RUFY2: variants seen among roughly 807,000 people sequenced by gnomAD.
RUFY2 encodes RUN and FYVE domain-containing protein 2.
Under a neutral mutation model 94.4 loss-of-function variants are expected in RUFY2, and 49 were observed. That is an observed-to-expected ratio of 0.52 (90% CI 0.41 to 0.66). The LOEUF (loss-of-function observed/expected upper bound fraction) is 0.66, where lower values mean the gene tolerates loss of function less well. Among genes scored for constraint, RUFY2 ranks in the 30% least tolerant of loss-of-function variants. The probability of loss-of-function intolerance (pLI) is 0.00; values close to 1 mark genes in which losing one functional copy is unlikely to be tolerated. For synonymous variants in RUFY2, 255 were observed against 235.7 expected, an observed-to-expected ratio of 1.08 and a Z score of -0.75; for missense variants, 541 against 692.8, an observed-to-expected ratio of 0.78 and a Z score of 2.46.
intron 2 of RUFY2, among the ~76,000 whole-genome samples, chr10:68,404,354 T>A (rs2051106231): frequency 2.6e-5 from 4 of 152,170 alleles, no homozygotes; most frequent in South Asian, 2.1e-4. Flanking sequence ...TAATATGAGC[T>A]CATAACAGTA....
At chr10:68,403,533 C>T (rs966526207) in intron 2 of RUFY2, among the ~76,000 whole-genome samples, 1 of 151,964 alleles carries the variant, frequency 6.6e-6, no homozygotes, top group Non-Finnish European at 1.5e-5. Flanking sequence ...ATTACAGGTG[C>T]CCAATTTCCT....
Position 68,345,564 on chromosome 10 carries a change from A to C in RUFY2, c.*204T>G, listed in dbSNP as rs908994885. 8.0e-6 allele frequency: 4 copies of C among 499,018 alleles called. No homozygotes were observed. Among genetic ancestry groups the C allele is most frequent in the Non-Finnish European group, 1.4e-5 (4 of 286,752 alleles). The allele number at this position is 499,018 out of a possible 1,614,324, so 30.9% of individuals were successfully genotyped here. Reference sequence around the variant, plus strand: ...TTAATGAGTTACATGATTTTTAAGCATGCTCTGTTGAAAATACATTTTGAA... The same window carrying C: ...TTAATGAGTTACATGATTTTTAAGCCTGCTCTGTTGAAAATACATTTTGAA... On this transcript the variant is annotated 3_prime_UTR_variant, in exon 18 of 18. Transcript: ENST00000602465.
At chr10:68,362,229 G>A (rs554032225) in intron 15 of RUFY2, among the ~76,000 whole-genome samples, 1 of 152,266 alleles carries the variant, frequency 6.6e-6, no homozygotes, top group East Asian at 1.9e-4. Flanking sequence ...CCGGAGGCTT[G>A]AGGTGAGAGA....
intron 2 of RUFY2, among the ~76,000 whole-genome samples, chr10:68,404,284 G>A (rs1311445186): frequency 1.3e-5 from 2 of 152,032 alleles, no homozygotes; most frequent in East Asian, 3.9e-4. Flanking sequence ...ATATATCTAG[G>A]AGGTTTCTAT....
chr10:68,351,938 TC>T lies in RUFY2; in HGVS notation c.1599+3414del, dbSNP rs2046707498. On this transcript the variant is annotated intron_variant, in intron 16 of 17. Transcript: ENST00000602465. ...TGGGCATGGTGGTGGGTGCCTGTAA[TC>T]CCAGCTACTTGGGAGGCTGAGGCAG... 2.6e-5 allele frequency among the ~76,000 whole-genome samples: 4 copies of T among 151,268 alleles called. No homozygotes were observed. In the South Asian group the frequency reaches 8.3e-4, roughly 32 times the overall value.
At chr10:68,359,507 TAA>T (rs1255659890) in intron 15 of RUFY2, among the ~76,000 whole-genome samples, 31 of 144,226 alleles carry the variant, frequency 2.1e-4, no homozygotes, top group African/African-American at 6.3e-4. Flanking sequence ...ACTATATATA[TAA>T]ATATACATAG....
downstream of RUFY2, chr10:68,341,230 A>G (rs144723762): frequency 3.4e-3 from 5,480 of 1,602,824 alleles, 13 homozygotes; most frequent in Middle Eastern, 0.011. Flanking sequence ...CTGATGGCAG[A>G]GCCACAGGAG....
At chr10:68,357,070 G>C (rs1348131993) in intron 15 of RUFY2, among the ~76,000 whole-genome samples, 1 of 151,666 alleles carries the variant, frequency 6.6e-6, no homozygotes, top group Non-Finnish European at 1.5e-5. Context: ...AGGAGGCTGA[G>C]GCAGGGAGAA....
Position 68,379,474 on chromosome 10 carries a change from T to C in RUFY2, c.1155A>G (p.Leu385=), listed in dbSNP as rs763986728. Residue 385 remains leucine, a synonymous_variant, in exon 12 of 18, where the codon CTA becomes CTG. Transcript: ENST00000602465. ...LKEKNEIIAR[L]EEKTNKITAA... ...CAGTAATTTTATTGGTTTTTTCTTC[T>C]AGTCGGGCAATTATTTCATTTTTTT... 14 of 1,613,448 alleles carry C rather than the reference T, an allele frequency of 8.7e-6. No homozygotes were observed. The highest frequency in any genetic ancestry group is 1.0e-5 in the Non-Finnish European group (12 of 1,179,804).
At chr10:68,373,573 C>A (rs972372417) in intron 13 of RUFY2, among the ~76,000 whole-genome samples, 22 of 151,830 alleles carry the variant, frequency 1.4e-4, no homozygotes, top group African/African-American at 4.6e-4. Flanking sequence ...TCCAGACCAG[C>A]TTAGGATACA....
At chr10:68,341,777 G>C, downstream of RUFY2, 2 of 1,607,930 alleles carry the variant, frequency 1.2e-6, no homozygotes, top group Non-Finnish European at 1.7e-6. Flanking sequence ...GGAGGCTATG[G>C]ATCAGTTGGA....
At chr10:68,388,235 T>C (rs2049673174) in intron 7 of RUFY2, among the ~76,000 whole-genome samples, 1 of 151,742 alleles carries the variant, frequency 6.6e-6, no homozygotes, top group Non-Finnish European at 1.5e-5. Flanking sequence ...GAGGCCGAGG[T>C]TGGTGGATCA....
At position 68,381,238 on chromosome 10, in the gene RUFY2, C is replaced by T; in HGVS notation, c.1101G>A (p.Lys367=). 1 of 1,603,336 alleles carries T rather than the reference C, an allele frequency of 6.2e-7. No individual in the cohort carries two copies. The highest frequency in any genetic ancestry group is 1.1e-5 in the South Asian group (1 of 88,832). The change falls in exon 11 of 18, where the codon AAG becomes AAA. Residue 367 remains lysine (K), a synonymous_variant. Coordinates refer to ENST00000602465, the MANE Select transcript of RUFY2 (RefSeq NM_001330103.2). ...ATTTAAGAACAATCCTTACCTGCAACTTTTGATACATCTCTATGTTAATTG... is the reference window on the plus strand; with the variant it reads ...ATTTAAGAACAATCCTTACCTGCAATTTTTGATACATCTCTATGTTAATTG... ...VKAINIEMYQ[K]LQGSEDGLKE... is the part of the protein sequence containing the mutation.
intron 7 of RUFY2, among the ~76,000 whole-genome samples, chr10:68,389,382 G>C (rs965204367): frequency 5.9e-5 from 9 of 151,328 alleles, no homozygotes; most frequent in African/African-American, 1.7e-4. Context: ...CACGAAGTCA[G>C]GAGTTCAAGA....
intron 11 of RUFY2, 58 bp downstream of exon 11, chr10:68,381,174 C>G: frequency 2.1e-6 from 3 of 1,435,522 alleles, no homozygotes; most frequent in Non-Finnish European, 2.8e-6. Flanking sequence ...AAACCAAAAC[C>G]TTTCTACAAA....
chr10:68,363,326 G>A (rs1487967723), intron 15 of RUFY2, among the ~76,000 whole-genome samples: 1 of 152,032 alleles, frequency 6.6e-6, no homozygotes, highest in African/African-American at 2.4e-5. Flanking sequence ...ACAGGCACAC[G>A]CCACCACAAG....
downstream of RUFY2, chr10:68,341,331 C>T (rs2134776088): frequency 6.3e-7 from 1 of 1,587,458 alleles, no homozygotes; most frequent in South Asian, 1.2e-5. Flanking sequence ...CTTTGGCACA[C>T]AATCTTATTT....
chr10:68,358,369 A>AT (rs1331661327), intron 15 of RUFY2, among the ~76,000 whole-genome samples: 2 of 152,220 alleles, frequency 1.3e-5, no homozygotes, highest in East Asian at 1.9e-4. Context: ...ATTCCAAGAC[A>AT]TAAAAACAAA....
intron 7 of RUFY2, among the ~76,000 whole-genome samples, chr10:68,386,652 A>T (rs894849770): frequency 6.6e-6 from 1 of 151,968 alleles, no homozygotes; most frequent in Admixed American, 6.6e-5. Context: ...CGGCCTACTC[A>T]TTTTTTTACA....
Sources: allele counts gnomAD v4.1 joint callset (sites outside exome capture counted in the v4.1 genomes callset), GRCh38; gene constraint gnomAD v4.1.1; transcripts MANE v1.5; gene names NCBI Gene and HGNC (gene_info 2026-07-23, HGNC 2026-07-21).